The following WDR91 variants were observed in gnomAD, a reference collection of about 807,000 sequenced individuals.
The protein encoded by WDR91 is WD repeat-containing protein 91.
In WDR91, 52 loss-of-function variants were observed where a neutral mutation model predicts 88.4. That is an observed-to-expected ratio of 0.59 (90% CI 0.47 to 0.74). The LOEUF (loss-of-function observed/expected upper bound fraction) is 0.74, where lower values mean the gene tolerates loss of function less well. Among genes scored for constraint, WDR91 ranks in the 30% least tolerant of loss-of-function variants. The pLI is 0.00. For missense variants in WDR91, 824 were observed against 954.5 expected (o/e 0.86, Z 1.80); for synonymous variants, 362 against 389.5 (o/e 0.93, Z 0.83).
chr7:135,201,280 G>A (rs926028014), intron 6 of WDR91, among the ~76,000 whole-genome samples: 2 of 151,358 alleles, frequency 1.3e-5, no homozygotes, highest in African/African-American at 4.9e-5. Context: ...GCCTGCTATG[G>A]ATGTGCCCTC....
intron 11 of WDR91, among the ~76,000 whole-genome samples, chr7:135,190,096 G>T (rs1342903106): frequency 6.6e-6 from 1 of 152,162 alleles, no homozygotes; most frequent in Admixed American, 6.5e-5. Flanking sequence ...AGAACGCAGA[G>T]AACCAGTGCA....
chr7:135,205,883 A>G (rs1350407053), intron 5 of WDR91, 45 bp downstream of exon 5: 2 of 1,610,736 alleles, frequency 1.2e-6, no homozygotes, highest in East Asian at 2.2e-5. Flanking sequence ...TGGGGCTGAG[A>G]GCACAGAGGG....
chr7:135,207,255 CAAACCCTTGACACACCAGTA>C (rs762996253), intron 3 of WDR91, 53 bp from the exon 4 acceptor site: 861 of 1,497,874 alleles, frequency 5.7e-4, no homozygotes, highest in Non-Finnish European at 6.8e-4. Context: ...ACGTCCTTCC[CAAACCCTTGACACACCAGTA>C]AAACACATGA....
intron 14 of WDR91, among the ~76,000 whole-genome samples, chr7:135,186,683 G>C (rs1226491849): frequency 6.6e-6 from 1 of 152,244 alleles, no homozygotes; most frequent in African/African-American, 2.4e-5. Flanking sequence ...TCCCATACTG[G>C]GGAATGCAAG....
chr7:135,210,612 G>C (rs1831979204), intron 1 of WDR91, among the ~76,000 whole-genome samples: 1 of 152,168 alleles, frequency 6.6e-6, no homozygotes, highest in Non-Finnish European at 1.5e-5. Context: ...AAAAGGGTTT[G>C]GATATCAATA....
chr7:135,190,967 A>C (rs1562946397), intron 11 of WDR91, among the ~76,000 whole-genome samples: 1 of 152,252 alleles, frequency 6.6e-6, no homozygotes, highest in Non-Finnish European at 1.5e-5. Context: ...AAATCCTCTG[A>C]TTCAGAAAAC....
At chr7:135,189,802 C>T (rs1289317504) in intron 11 of WDR91, among the ~76,000 whole-genome samples, 1 of 152,236 alleles carries the variant, frequency 6.6e-6, no homozygotes, top group Non-Finnish European at 1.5e-5. Context: ...GAAAATAACA[C>T]TTCATCAACT....
At chr7:135,188,857 C>T (rs1831052651) in intron 12 of WDR91, among the ~76,000 whole-genome samples, 1 of 152,202 alleles carries the variant, frequency 6.6e-6, no homozygotes, top group African/African-American at 2.4e-5. Flanking sequence ...CCCCATGTGC[C>T]CTGGGAATCC....
chr7:135,211,363 T>A lies in WDR91; in HGVS notation c.123+17A>T, dbSNP rs956341883. The stretch of plus-strand genomic sequence containing the variant: ...CTCGGGCCGCCTCTGCCCGCGCCGC[T>A]CCCGCCGGCCTCTCACCCGGAACCC... On this transcript the variant is annotated intron_variant, in intron 1 of 14. Transcript: ENST00000354475. 3.7e-6 allele frequency: 6 copies of A among 1,600,350 alleles called. No individual in the cohort carries two copies. The Admixed American group carries it at 5.1e-5, about 14-fold the overall frequency.
rs1469909500 is a variant in WDR91, at chr7:135,186,014, G to C, written c.*137C>G. 5 of 1,024,442 alleles carry C rather than the reference G, an allele frequency of 4.9e-6. No individual in the cohort carries two copies. The African/African-American group carries it at 5.0e-5, about 10-fold the overall frequency. 63.5% of individuals were successfully genotyped at this position (1,024,442 alleles called of 1,614,324 possible). A position where few individuals can be genotyped will look rare whatever the true frequency, so the allele number is the denominator to read the frequency against. The stretch of plus-strand genomic sequence containing the variant: ...AGTCACCACAGATGGAAGCACCTGA[G>C]CCTCCTTGCCAGTCTTTCCCTGCAG... On this transcript the variant is annotated 3_prime_UTR_variant, in exon 15 of 15. Coordinates refer to ENST00000354475, the MANE Select transcript of WDR91 (RefSeq NM_014149.4).
chr7:135,208,329 T>C (rs1313550206), intron 3 of WDR91, among the ~76,000 whole-genome samples: 2 of 152,224 alleles, frequency 1.3e-5, no homozygotes, highest in African/African-American at 2.4e-5. Context: ...TGAGGAACAC[T>C]GAAGTTACTA....
At position 135,205,141 on chromosome 7, in the gene WDR91, T is replaced by A. The variant is rs549883300; in HGVS notation, c.726-708A>T. Among the ~76,000 whole-genome samples the A allele has an allele frequency of 2.1e-4, 32 of 152,248 alleles. 1 individual carries two copies. In the South Asian group the frequency reaches 6.6e-3, roughly 32 times the overall value. On this transcript the variant is annotated intron_variant, in intron 5 of 14. Transcript: ENST00000354475. The stretch of plus-strand genomic sequence containing the variant: ...TATTATTATCACCAGCTGGGGCTTC[T>A]GCTTTAACTGGCTGTTTCTGAAGGT...
intron 3 of WDR91, 106 bp downstream of exon 3, chr7:135,208,685 G>T: frequency 1.9e-6 from 2 of 1,049,908 alleles, no homozygotes; most frequent in Non-Finnish European, 2.7e-6. Context: ...AATGGTCCCT[G>T]GGCATTTTTG....
intron 1 of WDR91, chr7:135,211,014 C>A: frequency 1.5e-6 from 1 of 667,066 alleles, no homozygotes; most frequent in Non-Finnish European, 2.7e-6. Context: ...GCTTCCACTG[C>A]CACTGGAAGC....
chr7:135,206,776 T>C (rs184590279), intron 4 of WDR91, among the ~76,000 whole-genome samples: 303 of 151,588 alleles, frequency 2.0e-3, no homozygotes, highest in Admixed American at 2.9e-3. Flanking sequence ...TATATATATA[T>C]ACACACATAT....
intron 6 of WDR91, chr7:135,200,247 T>C (rs1831523445): frequency 6.6e-6 from 1 of 152,212 alleles, no homozygotes; most frequent in South Asian, 2.1e-4. Context: ...GAATGCTTAC[T>C]GGCAACTGTT....
At chr7:135,204,617 T>A (rs956801231) in intron 5 of WDR91, among the ~76,000 whole-genome samples, 184 bp from the exon 6 acceptor site, 2 of 152,198 alleles carry the variant, frequency 1.3e-5, no homozygotes, top group African/African-American at 4.8e-5. Flanking sequence ...CAGCAGCTTA[T>A]CTGTTACAAG....
At chr7:135,209,906 C>A in intron 1 of WDR91, 151 bp from the exon 2 acceptor site, 1 of 571,626 alleles carries the variant, frequency 1.7e-6, no homozygotes, top group Non-Finnish European at 2.8e-6. Context: ...CATACTAATG[C>A]AACGGTTTTT....
At chr7:135,195,527 C>T (rs946259128) in intron 8 of WDR91, among the ~76,000 whole-genome samples, 2 of 152,210 alleles carry the variant, frequency 1.3e-5, no homozygotes, top group East Asian at 3.8e-4. Flanking sequence ...TAAAAACTTA[C>T]AAATGGTAAA....
Sources: gnomAD v4.1 joint callset for allele counts (sites outside exome capture counted in the v4.1 genomes callset) on GRCh38, gnomAD v4.1.1 for gene constraint, MANE v1.5 for transcripts, NCBI Gene and HGNC (gene_info 2026-07-23, HGNC 2026-07-21) for gene names.